The following MYO18B variants were observed in gnomAD, a reference collection of about 807,000 sequenced individuals.
The protein encoded by MYO18B is myosin XVIIIB.
A neutral mutation model predicts 273.0 loss-of-function variants in MYO18B; 204 were observed. The observed-to-expected ratio is 0.75, with a 90% CI of 0.67 to 0.84. The LOEUF (loss-of-function observed/expected upper bound fraction) is 0.84. Among genes scored for constraint, MYO18B ranks in the 40% least tolerant of loss-of-function variants. MYO18B has a pLI of 0.00. For synonymous variants in MYO18B, 1,330 were observed against 1,305.7 expected (o/e 1.02, Z -0.40); for missense variants, 3,212 against 3,287.6 (o/e 0.98, Z 0.56).
chr22:26,062,573 A>G, the MYO18B span, among the ~76,000 whole-genome samples: 1 of 152,340 alleles, frequency 6.6e-6, no homozygotes, highest in Admixed American at 6.5e-5. Context: ...CTCCCTAGTT[A>G]CATGAGCTAA....
chr22:25,958,206 G>A (rs917847023), intron 39 of MYO18B, among the ~76,000 whole-genome samples: 4 of 152,048 alleles, frequency 2.6e-5, no homozygotes, highest in East Asian at 1.9e-4. Flanking sequence ...ATGAGCCACC[G>A]CGCCTGGCCT....
intron 39 of MYO18B, among the ~76,000 whole-genome samples, chr22:25,955,810 A>G (rs1188653244): frequency 6.6e-6 from 1 of 152,186 alleles, no homozygotes; most frequent in Non-Finnish European, 1.5e-5. Context: ...ACAGATGAGG[A>G]CAAACCGAGC....
rs916582748 is a variant in MYO18B at position 25,914,916 on chromosome 22, C to G, written c.5364+3866C>G. 5.3e-5 allele frequency among the ~76,000 whole-genome samples: 8 copies of G among 151,356 alleles called. No homozygotes were observed. The East Asian group carries it at 1.6e-3, about 29-fold the overall frequency. On this transcript the variant is annotated intron_variant, in intron 33 of 43. Transcript: ENST00000335473. ...GTTTCACTGTGTTAGCCAGGATGGT[C>G]TCTGTCTCCTGACCTCGTGATCCAC...
At chr22:26,034,182 A>G (rs1936732320), downstream of MYO18B, among the ~76,000 whole-genome samples, 1 of 152,182 alleles carries the variant, frequency 6.6e-6, no homozygotes, top group South Asian at 2.1e-4. Context: ...CCTCTTTCCT[A>G]CAAGATGACT....
chr22:25,780,203 G>A lies in MYO18B; in HGVS notation c.2211+5G>A. On this transcript the variant is annotated splice_donor_5th_base_variant and intron_variant, in intron 9 of 43. Transcript: ENST00000335473. ...ATCACAGCTGCTCAGCTCCAGGTGAGGCCTCTCGGGGGATGTGCAAGGGGG... is the reference window on the plus strand; with the variant it reads ...ATCACAGCTGCTCAGCTCCAGGTGAAGCCTCTCGGGGGATGTGCAAGGGGG... The A allele has an allele frequency of 6.3e-7, 1 of 1,599,722 alleles. No individual in the cohort carries two copies. Among genetic ancestry groups the A allele is most frequent in the Non-Finnish European group, 8.5e-7 (1 of 1,175,122 alleles).
intron 21 of MYO18B, among the ~76,000 whole-genome samples, chr22:25,867,250 T>G (rs144799725): frequency 3.3e-5 from 5 of 152,366 alleles, no homozygotes; most frequent in Admixed American, 1.3e-4. Flanking sequence ...CTTGCAAAAC[T>G]GAAACGTTAT....
chr22:25,844,543 C>T (rs149024134), intron 18 of MYO18B, among the ~76,000 whole-genome samples: 31 of 152,292 alleles, frequency 2.0e-4, no homozygotes, highest in African/African-American at 6.7e-4. Flanking sequence ...TCAGCATAAA[C>T]GCTTTATGAG....
rs1569223344 is a variant in MYO18B, at chr22:25,947,533, CA to C, written c.5632-178del. 3.3e-3 allele frequency among the ~76,000 whole-genome samples: 479 copies of C among 145,488 alleles called. 2 individuals are homozygous for C. Among genetic ancestry groups the C allele is most frequent in the South Asian group, 0.019 (88 of 4,734 alleles). ...ACACACACACACACACACACACACACACACACACACCAAGCTGTTATACCTA... is the reference window on the plus strand; with the variant it reads ...ACACACACACACACACACACACACACCACACACACCAAGCTGTTATACCTA... On this transcript the variant is annotated intron_variant, in intron 35 of 43. Transcript: ENST00000335473.
intron 20 of MYO18B, among the ~76,000 whole-genome samples, chr22:25,849,061 C>T (rs774916854): frequency 1.3e-5 from 2 of 152,246 alleles, no homozygotes; most frequent in Non-Finnish European, 2.9e-5. Context: ...GATAATGTCA[C>T]AAGAGAAGAG....
chr22:25,796,922 C>A (rs1281393608), intron 11 of MYO18B, among the ~76,000 whole-genome samples: 3 of 152,186 alleles, frequency 2.0e-5, no homozygotes, highest in Non-Finnish European at 2.9e-5. Flanking sequence ...CTCTATCTGA[C>A]CCACCTCCAA....
intron 39 of MYO18B, among the ~76,000 whole-genome samples, chr22:25,976,882 A>G (rs949849795): frequency 1.3e-5 from 2 of 152,154 alleles, no homozygotes; most frequent in Non-Finnish European, 2.9e-5. Context: ...TTGAGGTTTC[A>G]TTTGTTACGA....
At chr22:25,933,913 T>G (rs1040107509) in intron 34 of MYO18B, among the ~76,000 whole-genome samples, 7 of 152,204 alleles carry the variant, frequency 4.6e-5, no homozygotes, top group African/African-American at 1.7e-4. Flanking sequence ...TACTACAAAA[T>G]AAATTTCCAA....
intron 12 of MYO18B, among the ~76,000 whole-genome samples, chr22:25,810,920 G>A (rs5752221): frequency 0.35 from 53,577 of 151,830 alleles, 9,932 homozygotes; most frequent in African/African-American, 0.48. Context: ...TCCTTGATGG[G>A]TTTTGACAAT....
intron 36 of MYO18B, among the ~76,000 whole-genome samples, chr22:25,948,527 T>TCTTTCTTCCTTCCTTCCTTCCTTC (rs1555961003): frequency 1.9e-4 from 21 of 110,488 alleles, no homozygotes; most frequent in African/African-American, 6.8e-4. Context: ...CTTCTTTCTT[T>TCTTTCTTCCTTCCTTCCTTCCTTC]CTTCCTTCCT....
At position 25,866,908 on chromosome 22, in the gene MYO18B, A is replaced by G. The variant is rs773705556; in HGVS notation, c.3886-1412A>G. Among the ~76,000 whole-genome samples the G allele has an allele frequency of 3.6e-4, 55 of 152,026 alleles. 1 individual carries two copies. The highest frequency in any genetic ancestry group is 3.4e-3 in the Middle Eastern group (1 of 294). Reference sequence around the variant, plus strand: ...TGACCATGTCATTTATTTAGCAAATATTTGTGGGAGTGAGGCAGTCACCAG... The same window carrying G: ...TGACCATGTCATTTATTTAGCAAATGTTTGTGGGAGTGAGGCAGTCACCAG... On this transcript the variant is annotated intron_variant, in intron 21 of 43. Transcript: ENST00000335473.
intron 1 of MYO18B, among the ~76,000 whole-genome samples, chr22:25,750,633 C>T (rs2146536379): frequency 6.6e-6 from 1 of 152,252 alleles, no homozygotes; most frequent in South Asian, 2.1e-4. Flanking sequence ...CTTACACTCA[C>T]CAACCAGACT....
intron 11 of MYO18B, among the ~76,000 whole-genome samples, chr22:25,793,475 G>T (rs186924449): frequency 1.1e-4 from 16 of 152,246 alleles, no homozygotes; most frequent in African/African-American, 3.9e-4. Flanking sequence ...CTAGACATAA[G>T]CGATCCTTCC....
intron 12 of MYO18B, among the ~76,000 whole-genome samples, chr22:25,821,063 A>G (rs2089259797): frequency 6.6e-6 from 1 of 151,944 alleles, no homozygotes; most frequent in African/African-American, 2.4e-5. Context: ...CATTTTCTTT[A>G]CCCATTTGTC....
At chr22:25,931,863 A>G (rs539233170) in intron 34 of MYO18B, among the ~76,000 whole-genome samples, 5 of 146,440 alleles carry the variant, frequency 3.4e-5, no homozygotes, top group African/African-American at 1.3e-4. Context: ...TTTGGTAGAG[A>G]TGAAGTTTCA....
Sources: gnomAD v4.1 joint callset for allele counts (sites outside exome capture counted in the v4.1 genomes callset) on GRCh38, gnomAD v4.1.1 for gene constraint, MANE v1.5 for transcripts, NCBI Gene and HGNC (gene_info 2026-07-23, HGNC 2026-07-21) for gene names.